NKAIN2: variants seen among roughly 807,000 people sequenced by gnomAD.
NKAIN2 encodes sodium/potassium-transporting ATPase subunit beta-1-interacting protein 2.
A neutral mutation model predicts 32.6 loss-of-function variants in NKAIN2; 14 were observed. That is an observed-to-expected ratio of 0.43 (90% CI 0.28 to 0.67). The LOEUF is 0.67. NKAIN2 is among the 30% of genes least tolerant of loss of function. The pLI, the probability that NKAIN2 is intolerant of heterozygous loss-of-function variation, is 0.17. For missense variants in NKAIN2, 198 were observed against 258.3 expected, an observed-to-expected ratio of 0.77 and a Z score of 1.60; for synonymous variants, 80 against 87.2, an observed-to-expected ratio of 0.92 and a Z score of 0.46.
intron 1 of NKAIN2, among the ~76,000 whole-genome samples, chr6:124,234,620 A>C (rs938879915): frequency 1.5e-4 from 23 of 152,164 alleles, no homozygotes; most frequent in Non-Finnish European, 3.2e-4. Context: ...GTATGTACTG[A>C]TAAAATATTA....
chr6:124,515,030 T>A (rs576072571), intron 3 of NKAIN2, among the ~76,000 whole-genome samples: 13 of 152,172 alleles, frequency 8.5e-5, no homozygotes, highest in Non-Finnish European at 1.6e-4. Flanking sequence ...ATTTTTGAGA[T>A]TTTCTGTCTA....
chr6:124,683,775 C>G (rs1452428974), intron 4 of NKAIN2, among the ~76,000 whole-genome samples: 2 of 152,176 alleles, frequency 1.3e-5, no homozygotes, highest in South Asian at 4.1e-4. Context: ...GGCAGCTGTT[C>G]TTATTCACAG....
At chr6:123,981,017 G>A (rs938055012) in intron 1 of NKAIN2, among the ~76,000 whole-genome samples, 2 of 151,916 alleles carry the variant, frequency 1.3e-5, no homozygotes, top group East Asian at 3.9e-4. Context: ...CTACAGGCAC[G>A]CACCACCATG....
chr6:123,908,651 T>C (rs1775010653), intron 1 of NKAIN2, among the ~76,000 whole-genome samples: 1 of 152,104 alleles, frequency 6.6e-6, no homozygotes, highest in African/African-American at 2.4e-5. Context: ...TAAAAGGACA[T>C]GGTTTCAAAA....
chr6:124,534,142 T>C (rs1032549820), intron 3 of NKAIN2, among the ~76,000 whole-genome samples: 1 of 152,138 alleles, frequency 6.6e-6, no homozygotes, highest in South Asian at 2.1e-4. Context: ...TGTTTTCTTT[T>C]TTTTTTTCCT....
intron 1 of NKAIN2, among the ~76,000 whole-genome samples, chr6:123,806,071 G>A (rs940724995): frequency 6.6e-6 from 1 of 152,088 alleles, no homozygotes; most frequent in Non-Finnish European, 1.5e-5. Flanking sequence ...GTTCCTTTGT[G>A]TTTTTATGTG....
intron 4 of NKAIN2, among the ~76,000 whole-genome samples, chr6:124,724,342 T>C (rs966420302): frequency 2.6e-5 from 4 of 152,106 alleles, no homozygotes; most frequent in Non-Finnish European, 4.4e-5. Flanking sequence ...GCAGAAAAGT[T>C]TGCTCTCACA....
At chr6:124,458,635 A>G (rs1449226595) in intron 3 of NKAIN2, among the ~76,000 whole-genome samples, 3 of 151,836 alleles carry the variant, frequency 2.0e-5, no homozygotes, top group Admixed American at 6.6e-5. Context: ...AGAAAAAAAT[A>G]AAATTGAAAA....
intron 3 of NKAIN2, among the ~76,000 whole-genome samples, chr6:124,621,882 C>G (rs1015148484): frequency 1.3e-5 from 2 of 152,050 alleles, no homozygotes; most frequent in Admixed American, 6.5e-5. Context: ...AACCAGTTTT[C>G]TCCAAGGCAG....
intron 1 of NKAIN2, among the ~76,000 whole-genome samples, chr6:124,229,860 C>G (rs912173641): frequency 6.6e-5 from 10 of 152,098 alleles, no homozygotes; most frequent in African/African-American, 2.4e-4. Context: ...TTTTTCTTCC[C>G]AGTCTCAGGT....
intron 1 of NKAIN2, among the ~76,000 whole-genome samples, chr6:124,019,412 A>AT (rs1780758592): frequency 1.3e-5 from 2 of 150,722 alleles, no homozygotes; most frequent in Admixed American, 6.7e-5. Flanking sequence ...TGAAAAAAAA[A>AT]CTGTTGAAGT....
At chr6:124,171,178 T>A (rs993803267) in intron 1 of NKAIN2, among the ~76,000 whole-genome samples, 6 of 152,182 alleles carry the variant, frequency 3.9e-5, no homozygotes, top group Admixed American at 6.5e-5. Context: ...TTAGGTATTA[T>A]GCTTTTTTGC....
intron 3 of NKAIN2, among the ~76,000 whole-genome samples, chr6:124,405,235 T>C (rs1460170069): frequency 6.6e-6 from 1 of 152,188 alleles, no homozygotes; most frequent in African/African-American, 2.4e-5. Context: ...GCCTAAAATT[T>C]TGCAAAATAT....
chr6:124,186,136 AAAG>A (rs1789716270), intron 1 of NKAIN2, among the ~76,000 whole-genome samples: 2 of 140,580 alleles, frequency 1.4e-5, no homozygotes, highest in Admixed American at 6.9e-5. Context: ...AAAAAAAAGA[AAAG>A]AAAGGAAGGA....
At chr6:124,796,306 T>C (rs1430128153) in intron 5 of NKAIN2, among the ~76,000 whole-genome samples, 1 of 152,184 alleles carries the variant, frequency 6.6e-6, no homozygotes, top group Non-Finnish European at 1.5e-5. Context: ...TCTGTTGGAT[T>C]AGGGCCCTAT....
intron 4 of NKAIN2, among the ~76,000 whole-genome samples, chr6:124,765,417 T>G (rs1186561564): frequency 6.6e-6 from 1 of 152,228 alleles, no homozygotes; most frequent in African/African-American, 2.4e-5. Context: ...TTCTTGGCTC[T>G]GTTCAGTCCC....
chr6:124,496,033 G>GA (rs1402067861), intron 3 of NKAIN2, among the ~76,000 whole-genome samples: 1 of 152,080 alleles, frequency 6.6e-6, no homozygotes, highest in Non-Finnish European at 1.5e-5. Context: ...TGACAGCTCT[G>GA]AAAAAAACTG....
intron 3 of NKAIN2, among the ~76,000 whole-genome samples, chr6:124,458,895 A>G (rs1776422267): frequency 6.6e-6 from 1 of 151,794 alleles, no homozygotes; most frequent in African/African-American, 2.4e-5. Context: ...TGGGAGAAAG[A>G]ATCTGCTTCC....
intron 3 of NKAIN2, among the ~76,000 whole-genome samples, chr6:124,419,540 A>G (rs1316389787): frequency 6.6e-6 from 1 of 152,180 alleles, no homozygotes; most frequent in Non-Finnish European, 1.5e-5. Context: ...CAAATTTCAC[A>G]CCAGAAAAAT....
Sources: gnomAD v4.1 joint callset for allele counts (sites outside exome capture counted in the v4.1 genomes callset) on GRCh38, gnomAD v4.1.1 for gene constraint, MANE v1.5 for transcripts, NCBI Gene and HGNC (gene_info 2026-07-23, HGNC 2026-07-21) for gene names.